HTR4: variants seen among roughly 807,000 people sequenced by gnomAD.
HTR4 encodes the protein 5-hydroxytryptamine receptor 4.
Under a neutral mutation model 36.8 loss-of-function variants are expected in HTR4, and 16 were observed. That is an observed-to-expected ratio of 0.43 (90% CI 0.29 to 0.66). HTR4 has a LOEUF of 0.66. Among genes scored for constraint, HTR4 ranks in the 30% least tolerant of loss-of-function variants. The pLI is 0.13. For synonymous variants in HTR4, 189 were observed against 185.1 expected (o/e 1.02, Z -0.17); for missense variants, 438 against 490.9 (o/e 0.89, Z 1.02).
At chr5:148,530,609 C>T (rs1345022868) in intron 4 of HTR4, among the ~76,000 whole-genome samples, 2 of 152,234 alleles carry the variant, frequency 1.3e-5, no homozygotes, top group Non-Finnish European at 2.9e-5. Flanking sequence ...TGCTAGAGCA[C>T]TGCAGATGGG....
At position 148,536,977 on chromosome 5, in the gene HTR4, C is replaced by T. The variant is rs141542586; in HGVS notation, c.353+11691G>A. ...ATGGCACATACTCTTAAATCAATCACGTAATTGGACATAAAACAATCCTCA... is the reference window on the plus strand; with the variant it reads ...ATGGCACATACTCTTAAATCAATCATGTAATTGGACATAAAACAATCCTCA... On this transcript the variant is annotated intron_variant, in intron 4 of 6. Coordinates refer to ENST00000377888, the MANE Select transcript of HTR4 (RefSeq NM_000870.7). Among the ~76,000 whole-genome samples, 1,378 of 152,280 alleles carry T rather than the reference C, an allele frequency of 9.0e-3. 10 individuals are homozygous for T. The highest frequency in any genetic ancestry group is 0.015 in the Non-Finnish European group (1,009 of 68,018).
intron 6 of HTR4, among the ~76,000 whole-genome samples, chr5:148,500,896 AG>A (rs1192896399): frequency 5.3e-5 from 8 of 152,226 alleles, no homozygotes; most frequent in Non-Finnish European, 8.8e-5. Flanking sequence ...TCACACTCAC[AG>A]ATGAGAATGC....
Position 148,481,678 on chromosome 5 carries a change from A to C in HTR4, c.*1525T>G. 1.3e-6 allele frequency: 2 copies of C among 1,481,546 alleles called. No homozygotes were observed. The highest frequency in any genetic ancestry group is 2.7e-5 in the Admixed American group (1 of 36,572). 91.8% of individuals were successfully genotyped at this position (1,481,546 alleles called of 1,614,324 possible). Reference sequence around the variant, plus strand: ...AATAACTGACACCTTATAAGCAATAAGAAAAAAAGAGAATATGATAAATAA... The same window carrying C: ...AATAACTGACACCTTATAAGCAATACGAAAAAAAGAGAATATGATAAATAA... On this transcript the variant is annotated 3_prime_UTR_variant, in exon 7 of 7. Transcript: ENST00000377888.
intron 4 of HTR4, among the ~76,000 whole-genome samples, chr5:148,529,822 A>G (rs965602944): frequency 6.6e-6 from 1 of 152,216 alleles, no homozygotes; most frequent in African/African-American, 2.4e-5. Flanking sequence ...ATAATGATAT[A>G]CACAGTAAAA....
chr5:148,551,031 C>G (rs1277827050), intron 2 of HTR4, among the ~76,000 whole-genome samples: 1 of 151,918 alleles, frequency 6.6e-6, no homozygotes, highest in Admixed American at 6.6e-5. Flanking sequence ...TACAATGAAG[C>G]CTTTTTTTTT....
intron 5 of HTR4, among the ~76,000 whole-genome samples, chr5:148,520,006 T>A (rs189596716): frequency 6.6e-6 from 1 of 152,244 alleles, no homozygotes; most frequent in East Asian, 1.9e-4. Context: ...ATTAAATAGG[T>A]GTTTTTAAGC....
downstream of HTR4, among the ~76,000 whole-genome samples, chr5:148,473,221 G>A (rs1327048541): frequency 6.7e-6 from 1 of 150,018 alleles, no homozygotes; most frequent in African/African-American, 2.5e-5. Context: ...TGGCGTGAAC[G>A]CAGAAGGCAG....
At chr5:148,546,462 G>A (rs2113841913) in intron 4 of HTR4, among the ~76,000 whole-genome samples, 1 of 152,254 alleles carries the variant, frequency 6.6e-6, no homozygotes, top group Non-Finnish European at 1.5e-5. Flanking sequence ...GGTTCTTAAT[G>A]ACCAATTCAT....
intron 5 of HTR4, among the ~76,000 whole-genome samples, chr5:148,469,880 C>T (rs183326097): frequency 2.6e-5 from 4 of 152,328 alleles, no homozygotes; most frequent in Middle Eastern, 3.4e-3. Context: ...AAATCTCTGG[C>T]GCTAGTCCAC....
At chr5:148,540,400 G>GTATGTATA (rs1759048576) in intron 4 of HTR4, among the ~76,000 whole-genome samples, 1 of 74,326 alleles carries the variant, frequency 1.3e-5, no homozygotes, top group African/African-American at 6.6e-5. Flanking sequence ...TTATGTGTGT[G>GTATGTATA]TATATATATA....
intron 2 of HTR4, among the ~76,000 whole-genome samples, chr5:148,578,546 A>C (rs1350410216): frequency 2.6e-5 from 4 of 152,102 alleles, no homozygotes; most frequent in Non-Finnish European, 4.4e-5. Flanking sequence ...TTCCCTCTTC[A>C]ACAATAACGA....
chr5:148,456,214 C>A (rs1362739309), intron 5 of HTR4, among the ~76,000 whole-genome samples: 1 of 152,088 alleles, frequency 6.6e-6, no homozygotes, highest in Non-Finnish European at 1.5e-5. Context: ...CTGCATGATT[C>A]AAGCATATAT....
At chr5:148,553,829 A>G (rs1229127608) in intron 2 of HTR4, among the ~76,000 whole-genome samples, 1 of 152,234 alleles carries the variant, frequency 6.6e-6, no homozygotes, top group Non-Finnish European at 1.5e-5. Flanking sequence ...TGGTTTCTCT[A>G]AAGGTTAAAT....
At chr5:148,508,861 G>T (rs1757351698) in intron 6 of HTR4, among the ~76,000 whole-genome samples, 2 of 151,634 alleles carry the variant, frequency 1.3e-5, no homozygotes, top group African/African-American at 4.9e-5. Context: ...TGCCCTATAT[G>T]AATATATTAT....
In HTR4 at chr5:148,505,911, A is replaced by G. The variant is rs186513049; in HGVS notation, c.1076+3545T>C. Reference sequence around the variant, plus strand: ...ATGGAAGGACATTCCATGCTCATGGATAGGAAGAATCAATATCGCGAAAAT... The same window carrying G: ...ATGGAAGGACATTCCATGCTCATGGGTAGGAAGAATCAATATCGCGAAAAT... On this transcript the variant is annotated intron_variant, in intron 6 of 6. Transcript: ENST00000377888. Among the ~76,000 whole-genome samples, 587 of 152,296 alleles carry G rather than the reference A, an allele frequency of 3.9e-3. 5 individuals are homozygous for G. The highest frequency in any genetic ancestry group is 0.014 in the African/African-American group (566 of 41,564).
chr5:148,589,371 C>G (rs115792111), intron 2 of HTR4, among the ~76,000 whole-genome samples: 9 of 152,236 alleles, frequency 5.9e-5, no homozygotes, highest in African/African-American at 2.2e-4. Flanking sequence ...TTCTGCCAGC[C>G]CTTGTTGTCT....
chr5:148,626,289 G>A (rs1056017393), intron 2 of HTR4, among the ~76,000 whole-genome samples: 2 of 152,198 alleles, frequency 1.3e-5, no homozygotes, highest in African/African-American at 4.8e-5. Flanking sequence ...CAAGCCATCA[G>A]AACATTCCCT....
chr5:148,516,413 G>A (rs1757757364), intron 5 of HTR4, among the ~76,000 whole-genome samples: 1 of 147,258 alleles, frequency 6.8e-6, no homozygotes, highest in Non-Finnish European at 1.5e-5. Flanking sequence ...TCCACCTCAT[G>A]GGTTCAAGCG....
chr5:148,458,072 A>AT (rs1349324261), intron 5 of HTR4, among the ~76,000 whole-genome samples: 3 of 48,166 alleles, frequency 6.2e-5, no homozygotes, highest in African/African-American at 9.7e-5. Flanking sequence ...AGATCTATTT[A>AT]ATAGATCTTA....
Sources: gnomAD v4.1 joint callset for allele counts (sites outside exome capture counted in the v4.1 genomes callset) on GRCh38, gnomAD v4.1.1 for gene constraint, MANE v1.5 for transcripts, NCBI Gene and HGNC (gene_info 2026-07-23, HGNC 2026-07-21) for gene names.